The following MAST4 variants were observed in gnomAD, a reference collection of about 807,000 sequenced individuals.
MAST4 encodes microtubule associated serine/threonine kinase family member 4, also known as microtubule-associated serine/threonine-protein kinase 4.
In MAST4, 89 loss-of-function variants were observed where a neutral mutation model predicts 162.7. The observed-to-expected ratio is 0.55, with a 90% CI of 0.46 to 0.65. The LOEUF (loss-of-function observed/expected upper bound fraction) is 0.65. Among genes scored for constraint, MAST4 ranks in the 30% least tolerant of loss-of-function variants. MAST4 has a pLI of 0.00. For synonymous variants in MAST4, 1,479 were observed against 1,361.1 expected (o/e 1.09, Z -1.91); for missense variants, 3,153 against 3,374.0 (o/e 0.93, Z 1.62).
chr5:66,867,712 A>G (rs567317569), intron 3 of MAST4, among the ~76,000 whole-genome samples: 2 of 152,320 alleles, frequency 1.3e-5, no homozygotes, highest in African/African-American at 2.4e-5. Context: ...CTTTTTCACA[A>G]AACTAATGGT....
At chr5:66,997,752 T>C (rs555697203) in intron 4 of MAST4, among the ~76,000 whole-genome samples, 6 of 152,362 alleles carry the variant, frequency 3.9e-5, no homozygotes, top group South Asian at 4.1e-4. Flanking sequence ...TTACATTTTA[T>C]GATAACTAGT....
intron 3 of MAST4, among the ~76,000 whole-genome samples, chr5:66,860,112 A>T (rs1453612422): frequency 2.0e-5 from 3 of 152,242 alleles, no homozygotes; most frequent in Non-Finnish European, 4.4e-5. Flanking sequence ...TGGCCAAATT[A>T]GATTTGAATT....
intron 1 of MAST4, among the ~76,000 whole-genome samples, chr5:66,608,003 T>G (rs1021652022): frequency 1.3e-5 from 2 of 152,112 alleles, no homozygotes; most frequent in Non-Finnish European, 2.9e-5. Flanking sequence ...GTATATATTT[T>G]GAAATGAAAT....
intron 1 of MAST4, among the ~76,000 whole-genome samples, chr5:66,703,162 G>A (rs757486893): frequency 6.6e-5 from 10 of 152,076 alleles, no homozygotes; most frequent in Non-Finnish European, 1.2e-4. Context: ...GGGAGTAGGG[G>A]GTAGGAGGCT....
intron 1 of MAST4, among the ~76,000 whole-genome samples, chr5:66,645,347 A>G (rs10058976): frequency 0.76 from 116,215 of 152,098 alleles, 45,605 homozygotes; most frequent in African/African-American, 0.93. Context: ...AAAACGTGGC[A>G]TTATAAATTT....
chr5:66,727,439 A>G (rs1751593237), intron 1 of MAST4, among the ~76,000 whole-genome samples: 3 of 152,162 alleles, frequency 2.0e-5, no homozygotes, highest in Non-Finnish European at 4.4e-5. Flanking sequence ...CCTGCAATGG[A>G]CAGGATGTTT....
chr5:66,935,919 C>A (rs1266056243), intron 4 of MAST4, among the ~76,000 whole-genome samples: 2 of 152,126 alleles, frequency 1.3e-5, no homozygotes, highest in Non-Finnish European at 2.9e-5. Context: ...CCATTTACCT[C>A]TGCCTCCCAA....
At chr5:66,851,109 AT>A (rs1759281155) in intron 3 of MAST4, among the ~76,000 whole-genome samples, 1 of 152,178 alleles carries the variant, frequency 6.6e-6, no homozygotes, top group East Asian at 1.9e-4. Flanking sequence ...GTTTCAAAAC[AT>A]TTTCAAATCA....
intron 5 of MAST4, among the ~76,000 whole-genome samples, chr5:67,058,322 G>T (rs141218326): frequency 6.6e-6 from 1 of 152,098 alleles, no homozygotes; most frequent in Non-Finnish European, 1.5e-5. Flanking sequence ...ATGATCTAAG[G>T]GTTGATGTGA....
intron 1 of MAST4, among the ~76,000 whole-genome samples, chr5:66,673,528 T>TG (rs1370458960): frequency 1.7e-5 from 2 of 120,666 alleles, no homozygotes; most frequent in Non-Finnish European, 3.9e-5. Flanking sequence ...TTTTTGTTTT[T>TG]TGTTTTTTTT....
intron 1 of MAST4, among the ~76,000 whole-genome samples, chr5:66,678,921 A>G (rs1177546094): frequency 6.6e-6 from 1 of 151,998 alleles, no homozygotes; most frequent in Non-Finnish European, 1.5e-5. Context: ...CCTCTCAAGT[A>G]GCTGGGATTA....
intron 1 of MAST4, among the ~76,000 whole-genome samples, chr5:66,653,266 T>C (rs1332317434): frequency 6.6e-6 from 1 of 152,230 alleles, no homozygotes; most frequent in Non-Finnish European, 1.5e-5. Context: ...TTTCTGCTTT[T>C]ATCCCCTTTT....
Position 66,628,316 on chromosome 5 carries a change from G to A in MAST4, c.363+31298G>A, listed in dbSNP as rs192208251. Among the ~76,000 whole-genome samples, 648 of 150,956 alleles carry A rather than the reference G, an allele frequency of 4.3e-3. 4 individuals are homozygous for A. The highest frequency in any genetic ancestry group is 0.015 in the African/African-American group (611 of 41,092). ...TCCAAAGTGCTGGAGTGACAAGCAT[G>A]AGCCACGGTGCCTGACTTTTTTTCT... On this transcript the variant is annotated intron_variant, in intron 1 of 28. Transcript: ENST00000403625.
At chr5:66,945,563 A>G (rs556274757) in intron 4 of MAST4, among the ~76,000 whole-genome samples, 1 of 152,200 alleles carries the variant, frequency 6.6e-6, no homozygotes, top group South Asian at 2.1e-4. Flanking sequence ...CTCAGAGATG[A>G]AAGTAAACTA....
chr5:66,637,891 T>C (rs1372745453), intron 1 of MAST4, among the ~76,000 whole-genome samples: 1 of 152,024 alleles, frequency 6.6e-6, no homozygotes, highest in Admixed American at 6.5e-5. Flanking sequence ...TTGCATTTTT[T>C]GTAGAGGTGA....
chr5:66,983,530 G>T (rs1032428834), intron 4 of MAST4, among the ~76,000 whole-genome samples: 1 of 152,116 alleles, frequency 6.6e-6, no homozygotes, highest in African/African-American at 2.4e-5. Flanking sequence ...TATTTGTGTA[G>T]TATCTCTAAG....
intron 3 of MAST4, among the ~76,000 whole-genome samples, chr5:66,891,003 A>G (rs993123167): frequency 1.3e-5 from 2 of 152,220 alleles, no homozygotes; most frequent in Admixed American, 1.3e-4. Flanking sequence ...TAAAAAATTT[A>G]AAGTGGAAAA....
chr5:66,986,871 T>C (rs1749569751), intron 4 of MAST4, among the ~76,000 whole-genome samples: 2 of 152,042 alleles, frequency 1.3e-5, no homozygotes, highest in Non-Finnish European at 2.9e-5. Flanking sequence ...CTCAGCCACC[T>C]GAGAAGCCAG....
chr5:66,673,839 A>C (rs1433006475), intron 1 of MAST4, among the ~76,000 whole-genome samples: 1 of 152,228 alleles, frequency 6.6e-6, no homozygotes, highest in African/African-American at 2.4e-5. Flanking sequence ...AAAACTTAAT[A>C]GAAATGGAAA....
Sources: allele counts gnomAD v4.1 joint callset (sites outside exome capture counted in the v4.1 genomes callset), GRCh38; gene constraint gnomAD v4.1.1; transcripts MANE v1.5; gene names NCBI Gene and HGNC (gene_info 2026-07-23, HGNC 2026-07-21).